The following OR1B1 variants were observed in gnomAD, a reference collection of about 807,000 sequenced individuals.
The protein encoded by OR1B1 is olfactory receptor family 1 subfamily B member 1, also known as olfactory receptor 1B1.
For synonymous variants in OR1B1, 168 were observed against 156.2 expected, an observed-to-expected ratio of 1.08 and a Z score of -0.57; for missense variants, 414 against 402.1, an observed-to-expected ratio of 1.03 and a Z score of -0.25.
exon 1 of OR1B1, chr9:122,629,179 G>A (rs777216158): frequency 1.9e-6 from 3 of 1,614,016 alleles, no homozygotes; most frequent in Middle Eastern, 1.6e-4. Context: ...CCAGAGCCAT[G>A]ACAGCAATGA....
chr9:122,649,961 AG>A, the OR1B1 span, among the ~76,000 whole-genome samples: 10 of 152,196 alleles, frequency 6.6e-5, no homozygotes, highest in Admixed American at 6.5e-4. Flanking sequence ...TGTTTATTGC[AG>A]CACTGTTCAC....
chr9:122,652,844 A>T, the OR1B1 span, among the ~76,000 whole-genome samples: 3 of 152,308 alleles, frequency 2.0e-5, no homozygotes, highest in Non-Finnish European at 2.9e-5. Context: ...TAGGGGAATA[A>T]CTTTCATCTC....
chr9:122,653,946 T>C, the OR1B1 span, among the ~76,000 whole-genome samples: 1 of 152,192 alleles, frequency 6.6e-6, no homozygotes, highest in Non-Finnish European at 1.5e-5. Flanking sequence ...ATTAAATACT[T>C]ATTTTCTCCA....
At position 122,629,264 on chromosome 9, in the gene OR1B1, TA is replaced by T. The variant is rs1830178152; in HGVS notation, c.271del (p.Tyr91ThrfsTer47). On this transcript the variant is annotated frameshift_variant, in exon 1 of 1. Transcript: ENST00000623530. LOFTEE classifies it low-confidence loss of function (END_TRUNC). The stretch of plus-strand genomic sequence containing the variant: ...GCAGCGGGCAGCAGGAATGGTTGGG[TA>T]ATGAGAGACCAAATGGGCCAGCAAC... 2.5e-6 allele frequency: 4 copies of T among 1,613,780 alleles called. No individual in the cohort carries two copies. The highest frequency in any genetic ancestry group is 3.4e-6 in the Non-Finnish European group (4 of 1,179,974).
the OR1B1 span, among the ~76,000 whole-genome samples, chr9:122,648,828 A>C: frequency 6.6e-6 from 1 of 152,186 alleles, no homozygotes; most frequent in Non-Finnish European, 1.5e-5. Flanking sequence ...ATACTGCCCA[A>C]AGTAATTTAT....
chr9:122,648,344 G>A, the OR1B1 span, among the ~76,000 whole-genome samples: 29 of 152,226 alleles, frequency 1.9e-4, no homozygotes, highest in South Asian at 6.2e-4. Flanking sequence ...AAAAGCCTTC[G>A]ATAAAATTCA....
the OR1B1 span, among the ~76,000 whole-genome samples, chr9:122,646,423 C>G: frequency 6.6e-6 from 1 of 151,606 alleles, no homozygotes; most frequent in Non-Finnish European, 1.5e-5. Context: ...GAAAAAAACA[C>G]AAGACCCAAT....
At chr9:122,639,571 G>T in the OR1B1 span, 2 of 151,948 alleles carry the variant, frequency 1.3e-5, no homozygotes, top group African/African-American at 2.4e-5. Flanking sequence ...ATGTGAGTAA[G>T]TTTTTTGACT....
the OR1B1 span, among the ~76,000 whole-genome samples, chr9:122,656,625 C>T: frequency 6.6e-6 from 1 of 152,200 alleles, no homozygotes; most frequent in Non-Finnish European, 1.5e-5. Flanking sequence ...GCCTCCAAAA[C>T]CATGAGCCAA....
chr9:122,641,861 C>T, the OR1B1 span, among the ~76,000 whole-genome samples: 2 of 152,006 alleles, frequency 1.3e-5, no homozygotes, highest in Admixed American at 6.6e-5. Context: ...TAAATCTATA[C>T]AAATTTTAAT....
chr9:122,639,977 C>A, the OR1B1 span, among the ~76,000 whole-genome samples: 1 of 151,980 alleles, frequency 6.6e-6, no homozygotes, highest in Non-Finnish European at 1.5e-5. Context: ...TGCATGATTT[C>A]ACGAAACCTG....
the OR1B1 span, among the ~76,000 whole-genome samples, chr9:122,635,484 C>T: frequency 6.6e-6 from 1 of 152,056 alleles, no homozygotes; most frequent in Non-Finnish European, 1.5e-5. Context: ...GCATTGTATA[C>T]TTCTATCATG....
chr9:122,656,590 T>C, the OR1B1 span, among the ~76,000 whole-genome samples: 4 of 152,162 alleles, frequency 2.6e-5, no homozygotes, highest in Non-Finnish European at 4.4e-5. Context: ...TGCCAAATTC[T>C]CGTGTCATGC....
chr9:122,633,615 A>G (rs1306715112), upstream of OR1B1, among the ~76,000 whole-genome samples: 1 of 152,132 alleles, frequency 6.6e-6, no homozygotes, highest in Non-Finnish European at 1.5e-5. Flanking sequence ...AATAATAATA[A>G]TAATAATAAC....
At chr9:122,632,342 A>G (rs1464930782), upstream of OR1B1, among the ~76,000 whole-genome samples, 1 of 152,246 alleles carries the variant, frequency 6.6e-6, no homozygotes, top group East Asian at 1.9e-4. Context: ...TTACTAGAAA[A>G]CAAAAACATT....
chr9:122,654,561 GA>G, the OR1B1 span, among the ~76,000 whole-genome samples: 1 of 152,142 alleles, frequency 6.6e-6, no homozygotes, highest in African/African-American at 2.4e-5. Flanking sequence ...TTTCAGAGAA[GA>G]AAGTACCACT....
upstream of OR1B1, among the ~76,000 whole-genome samples, chr9:122,630,919 G>C (rs1475792890): frequency 6.6e-6 from 1 of 152,070 alleles, no homozygotes; most frequent in African/African-American, 2.4e-5. Context: ...TGTTGGCCAG[G>C]CTAGTCTCGA....
the OR1B1 span, among the ~76,000 whole-genome samples, chr9:122,635,119 G>T: frequency 6.6e-6 from 1 of 152,126 alleles, no homozygotes; most frequent in Non-Finnish European, 1.5e-5. Flanking sequence ...CTAAAATATG[G>T]AAACAACCTA....
the OR1B1 span, among the ~76,000 whole-genome samples, chr9:122,655,852 A>C: frequency 6.6e-6 from 1 of 152,216 alleles, no homozygotes; most frequent in South Asian, 2.1e-4. Context: ...AAAAAAAAAA[A>C]AAAGTCCTAT....
Sources: gnomAD v4.1 joint callset for allele counts (sites outside exome capture counted in the v4.1 genomes callset) on GRCh38, gnomAD v4.1.1 for gene constraint, MANE v1.5 for transcripts, NCBI Gene and HGNC (gene_info 2026-07-23, HGNC 2026-07-21) for gene names.